The following COL5A2 variants were observed in gnomAD, a reference collection of about 807,000 sequenced individuals.
The protein encoded by COL5A2 is collagen alpha-2(V) chain.
COL5A2 carries 23 observed loss-of-function variants against 208.2 expected under a neutral mutation model. That is an observed-to-expected ratio of 0.11 (90% CI 0.08 to 0.16). The LOEUF is 0.16. COL5A2 is among the 10% of genes least tolerant of loss of function. The probability of loss-of-function intolerance (pLI) is 1.00; values close to 1 mark genes in which losing one functional copy is unlikely to be tolerated. For synonymous variants in COL5A2, 625 were observed against 628.5 expected (o/e 0.99, Z 0.08); for missense variants, 1,590 against 1,956.4 (o/e 0.81, Z 3.53).
intron 1 of COL5A2, among the ~76,000 whole-genome samples, chr2:189,219,103 A>G (rs1689316064): frequency 6.6e-6 from 1 of 152,236 alleles, no homozygotes; most frequent in Non-Finnish European, 1.5e-5. Context: ...TGAAAAAGCT[A>G]GTGTTCCAAT....
At chr2:189,312,050 G>C in the COL5A2 span, 1 of 758,258 alleles carries the variant, frequency 1.3e-6, no homozygotes, top group Non-Finnish European at 2.4e-6. Context: ...TGACTCTGAA[G>C]TCATCAGCAG....
At chr2:189,145,790 A>G (rs376906893) in intron 1 of COL5A2, among the ~76,000 whole-genome samples, 3 of 152,136 alleles carry the variant, frequency 2.0e-5, no homozygotes, top group Non-Finnish European at 4.4e-5. Flanking sequence ...CATAATTATT[A>G]TTTTCTGAAA....
At chr2:189,258,132 TA>T in the COL5A2 span, among the ~76,000 whole-genome samples, 3 of 151,958 alleles carry the variant, frequency 2.0e-5, no homozygotes, top group Non-Finnish European at 4.4e-5. Flanking sequence ...TAAAATAAAA[TA>T]AAAAATAAAT....
chr2:189,339,769 C>A, the COL5A2 span, among the ~76,000 whole-genome samples: 101 of 152,250 alleles, frequency 6.6e-4, no homozygotes, highest in African/African-American at 2.3e-3. Context: ...GGTGTGGGGT[C>A]TGACATCTCA....
At chr2:189,432,690 AG>A in the COL5A2 span, among the ~76,000 whole-genome samples, 1 of 152,216 alleles carries the variant, frequency 6.6e-6, no homozygotes, top group Non-Finnish European at 1.5e-5. Flanking sequence ...GCAAGTCCTT[AG>A]AGACCTACAA....
At chr2:189,241,006 GT>G in the COL5A2 span, among the ~76,000 whole-genome samples, 2 of 152,104 alleles carry the variant, frequency 1.3e-5, no homozygotes, top group East Asian at 3.9e-4. Flanking sequence ...ATCTAATCAC[GT>G]ATTATTTTAT....
the COL5A2 span, among the ~76,000 whole-genome samples, chr2:189,325,180 G>A: frequency 6.6e-6 from 1 of 152,072 alleles, no homozygotes; most frequent in Non-Finnish European, 1.5e-5. Flanking sequence ...GGTGGGGGAA[G>A]GGGGAGGGAT....
chr2:189,376,520 G>A, the COL5A2 span, among the ~76,000 whole-genome samples: 110 of 151,616 alleles, frequency 7.3e-4, no homozygotes, highest in African/African-American at 2.6e-3. Context: ...GCTAATTATT[G>A]TAGCATTCTT....
At chr2:189,053,364 T>C (rs1329393004) in intron 38 of COL5A2, 60 bp downstream of exon 38, 1 of 1,400,652 alleles carries the variant, frequency 7.1e-7, no homozygotes. Context: ...CAATGATCAT[T>C]AAACTTATTA....
At position 189,217,142 on chromosome 2, in the gene COL5A2, C is replaced by T. The variant is rs186591638; in HGVS notation, c.-42+8006G>A. Among the ~76,000 whole-genome samples the T allele has an allele frequency of 4.4e-4, 67 of 152,148 alleles. 1 individual carries two copies. The highest frequency in any genetic ancestry group is 4.1e-3 in the Admixed American group (63 of 15,266). Reference sequence around the variant, plus strand: ...ATTAGTTACAGATAATGAAACAGTTCCGTACAGTTTTTGCATTTATTCACT... The same window carrying T: ...ATTAGTTACAGATAATGAAACAGTTTCGTACAGTTTTTGCATTTATTCACT... On this transcript the variant is annotated intron_variant, in intron 1 of 10. Coordinates refer to the COL5A2 transcript ENST00000649966.
intron 1 of COL5A2, among the ~76,000 whole-genome samples, chr2:189,186,302 A>G (rs1004864051): frequency 6.6e-6 from 1 of 152,050 alleles, no homozygotes; most frequent in African/African-American, 2.4e-5. Context: ...AAGCCAACAA[A>G]CCATAATTTT....
At chr2:189,424,838 C>T in the COL5A2 span, among the ~76,000 whole-genome samples, 3 of 152,110 alleles carry the variant, frequency 2.0e-5, no homozygotes, top group African/African-American at 7.2e-5. Flanking sequence ...CAAAAAAAGA[C>T]CTGATTAGCC....
intron 1 of COL5A2, among the ~76,000 whole-genome samples, chr2:189,173,803 T>C (rs1432371617): frequency 1.3e-5 from 2 of 152,208 alleles, no homozygotes; most frequent in African/African-American, 4.8e-5. Context: ...TCAAGGAATA[T>C]CTTTATATAA....
At chr2:189,247,287 A>G in the COL5A2 span, among the ~76,000 whole-genome samples, 1 of 152,210 alleles carries the variant, frequency 6.6e-6, no homozygotes, top group Admixed American at 6.5e-5. Flanking sequence ...GCAGGGATAC[A>G]GAGTGGATTT....
At chr2:189,217,377 C>T (rs1189086637) in intron 1 of COL5A2, among the ~76,000 whole-genome samples, 1 of 152,122 alleles carries the variant, frequency 6.6e-6, no homozygotes, top group East Asian at 1.9e-4. Flanking sequence ...TAAATTAAGG[C>T]CACTCTGGCT....
At chr2:189,068,941 C>T in intron 18 of COL5A2, 57 bp from the exon 19 acceptor site, 1 of 1,180,194 alleles carries the variant, frequency 8.5e-7, no homozygotes, top group Non-Finnish European at 1.3e-6. Context: ...TGGCATTGTA[C>T]AAAGTTGACC....
At chr2:189,074,630 T>G (rs1576509501) in intron 17 of COL5A2, among the ~76,000 whole-genome samples, 1 of 152,204 alleles carries the variant, frequency 6.6e-6, no homozygotes, top group African/African-American at 2.4e-5. Context: ...ATTCCCATTC[T>G]AAACTCAAAC....
At position 189,073,207 on chromosome 2, in the gene COL5A2, T is replaced by G. The variant is rs146771630; in HGVS notation, c.1105-1114A>C. ...TCCTACAATACTTTCTCTCTTTCCCTCATAATATTTTCTTTTCTTGGTGTT... is the reference window on the plus strand; with the variant it reads ...TCCTACAATACTTTCTCTCTTTCCCGCATAATATTTTCTTTTCTTGGTGTT... On this transcript the variant is annotated intron_variant, in intron 17 of 53. Transcript: ENST00000374866. Among the ~76,000 whole-genome samples the G allele has an allele frequency of 1.9e-4, 29 of 152,244 alleles. No individual in the cohort carries two copies. In the East Asian group the frequency reaches 5.0e-3, roughly 26 times the overall value.
chr2:189,174,509 G>A (rs959206258), intron 1 of COL5A2, among the ~76,000 whole-genome samples: 1 of 152,030 alleles, frequency 6.6e-6, no homozygotes, highest in African/African-American at 2.4e-5. Context: ...TGTAGCCTCG[G>A]AACATAAAAG....
Sources: allele counts gnomAD v4.1 joint callset (sites outside exome capture counted in the v4.1 genomes callset), GRCh38; gene constraint gnomAD v4.1.1; transcripts MANE v1.5; gene names NCBI Gene and HGNC (gene_info 2026-07-23, HGNC 2026-07-21).